The following C21orf58 variants were observed in gnomAD, a reference collection of about 807,000 sequenced individuals.
C21orf58 encodes uncharacterized protein C21orf58.
C21orf58 carries 34 observed loss-of-function variants against 35.8 expected under a neutral mutation model. The ratio of observed to expected loss-of-function variants is 0.95; its 90% CI spans 0.72 to 1.26. The LOEUF is 1.26. Ranked by LOEUF, C21orf58 falls within the 50% of genes most tolerant of loss-of-function variation. The probability of loss-of-function intolerance (pLI) is 0.00; values close to 1 mark genes in which losing one functional copy is unlikely to be tolerated. For synonymous variants in C21orf58, 191 were observed against 175.8 expected, an observed-to-expected ratio of 1.09 and a Z score of -0.68; for missense variants, 440 against 414.3, an observed-to-expected ratio of 1.06 and a Z score of -0.54.
chr21:46,314,662 A>C, intron 5 of C21orf58, 54 bp downstream of exon 5: 1 of 1,328,530 alleles, frequency 7.5e-7, no homozygotes, highest in Non-Finnish European at 1.0e-6. Flanking sequence ...GTAAAATCTT[A>C]ATTCCGCACC....
At position 46,318,533 on chromosome 21, in the gene C21orf58, C is replaced by A. The variant is rs899361818; in HGVS notation, c.101-313G>T. 3.7e-5 allele frequency: 47 copies of A among 1,266,430 alleles called. No homozygotes were observed. The South Asian group carries it at 6.4e-4, about 17-fold the overall frequency. The allele number at this position is 1,266,430 out of a possible 1,614,324, so 78.4% of individuals were successfully genotyped here. A position where few individuals can be genotyped will look rare whatever the true frequency, so the allele number is the denominator to read the frequency against. ...AGCCTCAGGACCCAGTCCAGAAGAA[C>A]CTGTGTGTCAGGGGAGGGCGCCCCA... On this transcript the variant is annotated intron_variant, in intron 1 of 7. Transcript: ENST00000291691.
At chr21:46,316,638 C>T (rs1023089228) in intron 3 of C21orf58, among the ~76,000 whole-genome samples, 6 of 152,220 alleles carry the variant, frequency 3.9e-5, no homozygotes, top group Non-Finnish European at 7.3e-5. Flanking sequence ...GTCCCCAAAC[C>T]CTCTGCCCCA....
chr21:46,304,800 C>T (rs75857329), intron 6 of C21orf58, among the ~76,000 whole-genome samples: 7,428 of 152,212 alleles, frequency 0.049, 262 homozygotes, highest in Non-Finnish European at 0.072. Flanking sequence ...GAATCTTGAG[C>T]GGGGACGGAA....
rs144398671 is a variant in C21orf58, at chr21:46,318,292, G to A, written c.101-72C>T. ...GGACTGCAGTGCCCCAGAAGCCAGC[G>A]CTGGGCGCCGCGTGACAGTTGCCAG... On this transcript the variant is annotated intron_variant, in intron 1 of 7. Coordinates refer to ENST00000291691, the MANE Select transcript of C21orf58 (RefSeq NM_058180.5). 1,899 of 1,581,926 alleles carry A rather than the reference G, an allele frequency of 1.2e-3. 1 individual carries two copies. Among genetic ancestry groups the A allele is most frequent in the Non-Finnish European group, 1.5e-3 (1,766 of 1,166,936 alleles).
intron 1 of C21orf58, among the ~76,000 whole-genome samples, chr21:46,319,500 C>T (rs1165330087): frequency 2.0e-5 from 3 of 152,198 alleles, no homozygotes; most frequent in African/African-American, 4.8e-5. Flanking sequence ...CGTTGGCTCA[C>T]GCCTGTAATC....
intron 5 of C21orf58, chr21:46,313,031 T>A (rs1270352868): frequency 2.0e-6 from 2 of 985,342 alleles, no homozygotes; most frequent in South Asian, 9.4e-5. Flanking sequence ...GCCTTGTCCC[T>A]TCTTCCTCAG....
chr21:46,318,440 C>T (rs2083055586), intron 1 of C21orf58: 3 of 1,419,576 alleles, frequency 2.1e-6, no homozygotes, highest in African/African-American at 2.9e-5. Context: ...AAGTGGGCAG[C>T]AGCTGAGGCA....
At chr21:46,303,745 A>T (rs1313908498) in intron 6 of C21orf58, among the ~76,000 whole-genome samples, 591 of 23,704 alleles carry the variant, frequency 0.025, 32 homozygotes, top group Middle Eastern at 0.071. Context: ...ATATATATAT[A>T]TTTTTTTTTT....
chr21:46,322,062 G>A, intron 1 of C21orf58, among the ~76,000 whole-genome samples: 1 of 152,122 alleles, frequency 6.6e-6, no homozygotes, highest in East Asian at 1.9e-4. Context: ...GCCAAGGCAG[G>A]TGGATCACTT....
At chr21:46,311,405 T>C in intron 6 of C21orf58, 51 bp downstream of exon 6, 1 of 1,110,176 alleles carries the variant, frequency 9.0e-7, no homozygotes, top group East Asian at 2.6e-5. Context: ...CATTTTCCCT[T>C]TCAGTAGATA....
In C21orf58 at chr21:46,314,732, C is replaced by T. The variant is rs771253408; in HGVS notation, c.593G>A (p.Arg198Lys). 1.3e-5 allele frequency: 19 copies of T among 1,479,468 alleles called. No individual in the cohort carries two copies. In the South Asian group the frequency reaches 2.6e-4, roughly 20 times the overall value. 91.6% of individuals were successfully genotyped at this position (1,479,468 alleles called of 1,614,324 possible). ...CCCTCTTACCGTAGGCAGGATGATC[C>T]TTGGCGGGTCTGGGGCCAGCGGGGA... Reference protein sequence around the residue: ...SPSPLAPDPPRIILPTVPQPP... With the variant: ...SPSPLAPDPPKIILPTVPQPP... The change falls in exon 5 of 8, where the codon AGG becomes AAG. Residue 198 changes from arginine (R) to lysine (K), a missense_variant. Transcript: ENST00000291691.
At chr21:46,309,176 G>A (rs1231336814) in intron 6 of C21orf58, among the ~76,000 whole-genome samples, 3 of 151,614 alleles carry the variant, frequency 2.0e-5, no homozygotes, top group East Asian at 1.9e-4. Context: ...AAAATTAACC[G>A]AAGGCCAGGC....
chr21:46,312,836 C>G (rs2146049208), intron 5 of C21orf58, among the ~76,000 whole-genome samples: 1 of 152,352 alleles, frequency 6.6e-6, no homozygotes, highest in South Asian at 2.1e-4. Context: ...CCAGTGACCT[C>G]TCTATCCCAG....
At chr21:46,303,745 ATTTTTTTTTTTT>A (rs869177693) in intron 6 of C21orf58, among the ~76,000 whole-genome samples, 430 of 23,762 alleles carry the variant, frequency 0.018, 6 homozygotes, top group Non-Finnish European at 0.026. Context: ...ATATATATAT[ATTTTTTTTTTTT>A]TTTTTTTTTT....
Position 46,302,592 on chromosome 21 carries a change from AG to A in C21orf58, c.722-17del. On this transcript the variant is annotated splice_polypyrimidine_tract_variant and intron_variant, in intron 6 of 7. Coordinates refer to ENST00000291691, the MANE Select transcript of C21orf58 (RefSeq NM_058180.5). ...TCCACCATGTCTGCAGGGAAGAAGC[AG>A]GGGGACCCTGAATAAAGTTTCCGTT... 2 of 1,599,810 alleles carry A rather than the reference AG, an allele frequency of 1.3e-6. No individual in the cohort carries two copies. The highest frequency in any genetic ancestry group is 1.7e-6 in the Non-Finnish European group (2 of 1,170,578).
chr21:46,313,816 A>T (rs1477105393), intron 5 of C21orf58, among the ~76,000 whole-genome samples: 1 of 152,026 alleles, frequency 6.6e-6, no homozygotes, highest in African/African-American at 2.4e-5. Flanking sequence ...CAAAGGGCAA[A>T]AGCCTTCCAG....
Position 46,301,901 on chromosome 21 carries a change from G to T in C21orf58, c.*98C>A. 2 of 1,344,024 alleles carry T rather than the reference G, an allele frequency of 1.5e-6. No homozygotes were observed. The highest frequency in any genetic ancestry group is 3.0e-5 in the East Asian group (1 of 33,490). 83.3% of individuals were successfully genotyped at this position (1,344,024 alleles called of 1,614,324 possible). On this transcript the variant is annotated 3_prime_UTR_variant, in exon 8 of 8. Coordinates refer to ENST00000291691, the MANE Select transcript of C21orf58 (RefSeq NM_058180.5). Reference sequence around the variant, plus strand: ...CGTAGCCACTCCGGGTGGTGGCAGGGTCTCTCCCTGCTCCCTTCCATAGTC... The same window carrying T: ...CGTAGCCACTCCGGGTGGTGGCAGGTTCTCTCCCTGCTCCCTTCCATAGTC...
intron 1 of C21orf58, 117 bp from the exon 2 acceptor site, chr21:46,318,337 C>T: frequency 6.7e-7 from 1 of 1,494,830 alleles, no homozygotes; most frequent in African/African-American, 1.4e-5. Context: ...CACAGGGAGG[C>T]CCCAGGTTGC....
chr21:46,309,073 C>T (rs2082552600), intron 6 of C21orf58, among the ~76,000 whole-genome samples: 1 of 152,182 alleles, frequency 6.6e-6, no homozygotes, highest in Non-Finnish European at 1.5e-5. Context: ...AATCCTAGTA[C>T]TTTGGGAGGC....
Sources: allele counts gnomAD v4.1 joint callset (sites outside exome capture counted in the v4.1 genomes callset), GRCh38; gene constraint gnomAD v4.1.1; transcripts MANE v1.5; gene names NCBI Gene and HGNC (gene_info 2026-07-23, HGNC 2026-07-21).